PAICS: variants seen among roughly 807,000 people sequenced by gnomAD.
PAICS encodes phosphoribosylaminoimidazole carboxylase and phosphoribosylaminoimidazolesuccinocarboxamide synthase.
A neutral mutation model predicts 53.7 loss-of-function variants in PAICS; 33 were observed. The ratio of observed to expected loss-of-function variants is 0.61; its 90% confidence interval spans 0.47 to 0.82. The LOEUF is 0.82. Among genes scored for constraint, PAICS ranks in the 40% least tolerant of loss-of-function variants. The pLI, the probability that PAICS is intolerant of heterozygous loss-of-function variation, is 0.00. For synonymous variants in PAICS, 141 were observed against 167.2 expected (o/e 0.84, Z 1.21); for missense variants, 394 against 494.1 (o/e 0.80, Z 1.92).
chr4:56,413,121 T>G, the PAICS span, among the ~76,000 whole-genome samples: 2 of 150,168 alleles, frequency 1.3e-5, no homozygotes, highest in South Asian at 2.1e-4. Context: ...ACTTTGGTTT[T>G]TTGTTGTTGT....
chr4:56,426,743 C>T, the PAICS span, among the ~76,000 whole-genome samples: 1 of 152,152 alleles, frequency 6.6e-6, no homozygotes, highest in African/African-American at 2.4e-5. Context: ...CATTCTGGTA[C>T]AATTTTTTTC....
chr4:56,427,661 T>A, the PAICS span, among the ~76,000 whole-genome samples: 14 of 134,038 alleles, frequency 1.0e-4, no homozygotes, highest in Non-Finnish European at 1.6e-4. Flanking sequence ...AAAAAAAAAA[T>A]TCATAAGGCT....
upstream of PAICS, among the ~76,000 whole-genome samples, chr4:56,433,068 T>G (rs909113640): frequency 6.6e-6 from 1 of 151,298 alleles, no homozygotes; most frequent in African/African-American, 2.4e-5. Context: ...ATCTATCAGT[T>G]TCGAGCAGCA....
upstream of PAICS, among the ~76,000 whole-genome samples, chr4:56,432,355 C>G (rs1375104897): frequency 6.6e-6 from 1 of 151,944 alleles, no homozygotes; most frequent in Non-Finnish European, 1.5e-5. Context: ...TGGTGAAACC[C>G]CGTCTCTGCT....
intron 8 of PAICS, among the ~76,000 whole-genome samples, chr4:56,456,811 A>G (rs552853457): frequency 6.6e-6 from 1 of 151,774 alleles, no homozygotes; most frequent in South Asian, 2.1e-4. Context: ...TAAATTTCCA[A>G]AAGCTCTTTT....
the PAICS span, among the ~76,000 whole-genome samples, chr4:56,417,796 ATAAAT>A: frequency 6.6e-6 from 1 of 151,492 alleles, no homozygotes; most frequent in African/African-American, 2.4e-5. Context: ...AAGAAACAAA[ATAAAT>A]TATGATTAAT....
At chr4:56,443,765 TTA>T (rs1718453815) in intron 2 of PAICS, among the ~76,000 whole-genome samples, 1 of 152,326 alleles carries the variant, frequency 6.6e-6, no homozygotes, top group South Asian at 2.1e-4. Flanking sequence ...CTCAGTTGTG[TTA>T]TGTTTGTCCA....
At chr4:56,411,024 A>C in the PAICS span, 35 of 670,192 alleles carry the variant, frequency 5.2e-5, no homozygotes, top group South Asian at 6.7e-5. Context: ...CTGAAATATC[A>C]AGACTGTGGA....
the PAICS span, chr4:56,410,847 G>A: frequency 2.1e-6 from 2 of 972,956 alleles, no homozygotes; most frequent in African/African-American, 3.8e-5. Flanking sequence ...GATGCAAATG[G>A]CAGGTACCTG....
chr4:56,448,312 A>C (rs1718721753), intron 3 of PAICS, 106 bp from the exon 4 acceptor site: 1 of 771,670 alleles, frequency 1.3e-6, no homozygotes, highest in African/African-American at 1.8e-5. Context: ...GCTGTGGCTA[A>C]AAATTTCTAA....
rs1578164514 is a variant in PAICS, at chr4:56,459,793, CACT to C, written c.*260_*262del. On this transcript the variant is annotated 3_prime_UTR_variant, in exon 9 of 9. Transcript: ENST00000512576. ...TCCTTTTTCCTTAAGTATTGGTGGTCACTACTATTGAGTTTCTTCCTTAACACT... is the reference window on the plus strand; with the variant it reads ...TCCTTTTTCCTTAAGTATTGGTGGTCACTATTGAGTTTCTTCCTTAACACT... 1.8e-5 allele frequency: 6 copies of C among 340,586 alleles called. No individual in the cohort carries two copies. In the East Asian group the frequency reaches 3.0e-4, roughly 17 times the overall value. 21.1% of individuals were successfully genotyped at this position (340,586 alleles called of 1,614,324 possible).
At position 56,459,500 on chromosome 4, in the gene PAICS, A is replaced by G; in HGVS notation, c.1240A>G (p.Lys414Glu). 6.3e-7 allele frequency: 1 copy of G among 1,581,592 alleles called. No individual in the cohort carries two copies. Among genetic ancestry groups the G allele is most frequent in the Non-Finnish European group, 8.6e-7 (1 of 1,156,676 alleles). ...CATTTTGAACACATGGATTTCCTTG[A>G]AGCAGGCTGACAAGAAAATCAGAGA... ...ASILNTWISLKQADKKIRECN... is the reference protein window; with the variant it reads ...ASILNTWISLEQADKKIRECN... Residue 414 changes from lysine (K) to glutamate (E), a missense_variant, in exon 9 of 9, where the codon AAG becomes GAG. Physicochemically the swap from Lys to Glu is moderately conservative, Grantham distance 56 (BLOSUM62 1). Around this residue, in one of 3 missense-constraint regions of PAICS, gnomAD observed 95 missense variants for 89.3 expected, o/e 1.06. Coordinates refer to ENST00000512576, the MANE Select transcript of PAICS (RefSeq NM_001079524.2).
Position 56,461,726 on chromosome 4 carries a change from C to T in PAICS, c.*2188C>T, listed in dbSNP as rs1459251173. The T allele has an allele frequency of 6.6e-6, 1 of 152,116 alleles. No homozygotes were observed. The highest frequency in any genetic ancestry group is 2.4e-5 in the African/African-American group (1 of 41,426). 9.4% of individuals were successfully genotyped at this position (152,116 alleles called of 1,614,324 possible). A position where few individuals can be genotyped will look rare whatever the true frequency, so the allele number is the denominator to read the frequency against. ...GTCCACATGTCCTCAGTAGTAAGTTCATCAGTGCTAAATATTTGAAGGTAT... is the reference window on the plus strand; with the variant it reads ...GTCCACATGTCCTCAGTAGTAAGTTTATCAGTGCTAAATATTTGAAGGTAT... On this transcript the variant is annotated 3_prime_UTR_variant, in exon 9 of 9. Coordinates refer to ENST00000512576, the MANE Select transcript of PAICS (RefSeq NM_001079524.2).
chr4:56,419,649 AC>A, the PAICS span: 1 of 983,638 alleles, frequency 1.0e-6, no homozygotes, highest in Non-Finnish European at 1.2e-6. Context: ...CTCTAATAAT[AC>A]AACTTTTATC....
At chr4:56,414,726 A>C in the PAICS span, among the ~76,000 whole-genome samples, 1 of 152,216 alleles carries the variant, frequency 6.6e-6, no homozygotes, top group South Asian at 2.1e-4. Flanking sequence ...ACTCTAAACC[A>C]GGTAATAGAA....
chr4:56,435,505 C>G (rs1333708953), upstream of PAICS: 2 of 1,612,564 alleles, frequency 1.2e-6, no homozygotes, highest in South Asian at 2.2e-5. Flanking sequence ...GTGGAAGGAC[C>G]TGCCGCTGCG....
the PAICS span, chr4:56,410,882 CCA>C: frequency 1.1e-6 from 1 of 932,852 alleles, no homozygotes; most frequent in South Asian, 5.0e-5. Flanking sequence ...AAGTACAGCC[CCA>C]GAGACCACTG....
chr4:56,441,712 C>T lies in PAICS; in HGVS notation c.66C>T (p.Tyr22=), dbSNP rs746244172. Residue 22 remains tyrosine, a synonymous_variant, in exon 2 of 9, where the codon TAC becomes TAT. Transcript: ENST00000512576. ...ATGAGGGTAAAACAAAAGAAGTCTA[C>T]GAATTGTTAGACAGTCCAGGAAAAG... The part of the protein sequence containing the change: ...KLYEGKTKEV[Y]ELLDSPGKVL... 73 of 1,599,346 alleles carry T rather than the reference C, an allele frequency of 4.6e-5. 1 individual carries two copies. The South Asian group carries it at 5.9e-4, about 13-fold the overall frequency.
chr4:56,415,414 TCA>T, the PAICS span, among the ~76,000 whole-genome samples: 1 of 152,342 alleles, frequency 6.6e-6, no homozygotes, highest in East Asian at 1.9e-4. Flanking sequence ...TTCATCCTCC[TCA>T]TTTGATCACT....
Sources: allele counts gnomAD v4.1 joint callset (sites outside exome capture counted in the v4.1 genomes callset), GRCh38; gene constraint gnomAD v4.1.1; regional missense constraint gnomAD v4.1.1; transcripts MANE v1.5; gene names NCBI Gene and HGNC (gene_info 2026-07-23, HGNC 2026-07-21).